TRIT1: variants seen among roughly 807,000 people sequenced by gnomAD.
TRIT1 encodes the protein tRNA isopentenyltransferase 1, also known as tRNA dimethylallyltransferase.
A neutral mutation model predicts 51.2 loss-of-function variants in TRIT1; 43 were observed. The ratio of observed to expected loss-of-function variants is 0.84; its 90% confidence interval spans 0.66 to 1.08. TRIT1 has a LOEUF of 1.08. Ranked by LOEUF, TRIT1 falls within the 50% of genes least tolerant of loss-of-function variation. TRIT1 has a pLI of 0.00. For synonymous variants in TRIT1, 184 were observed against 203.9 expected (o/e 0.90, Z 0.83); for missense variants, 528 against 578.4 (o/e 0.91, Z 0.89).
At chr1:39,845,607 C>G (rs1160898372) in intron 8 of TRIT1, among the ~76,000 whole-genome samples, 1 of 152,240 alleles carries the variant, frequency 6.6e-6, no homozygotes, top group Non-Finnish European at 1.5e-5. Flanking sequence ...CCACAGCACA[C>G]CTGGCCTTGG....
chr1:39,880,957 C>A (rs1373798987), intron 1 of TRIT1, among the ~76,000 whole-genome samples: 1 of 152,050 alleles, frequency 6.6e-6, no homozygotes, highest in South Asian at 2.1e-4. Context: ...GTGCCTCACA[C>A]CTGTAATCCT....
chr1:39,874,673 T>C (rs1643989739), intron 1 of TRIT1, among the ~76,000 whole-genome samples: 1 of 149,836 alleles, frequency 6.7e-6, no homozygotes, highest in East Asian at 1.9e-4. Flanking sequence ...TTTCTTTTCT[T>C]TTTTTTTTTG....
At chr1:39,844,473 C>A in intron 9 of TRIT1, 58 bp downstream of exon 9, 1 of 1,333,100 alleles carries the variant, frequency 7.5e-7, no homozygotes, top group South Asian at 1.2e-5. Flanking sequence ...ACAAAGGTGT[C>A]AGCTAATGAA....
intron 9 of TRIT1, 31 bp from the exon 10 acceptor site, chr1:39,844,249 A>C (rs773243947): frequency 4.0e-6 from 6 of 1,511,200 alleles, no homozygotes; most frequent in Admixed American, 3.4e-5. Context: ...GGGAGTATTC[A>C]ATTCAAAGAG....
At chr1:39,846,327 G>GTCTGT (rs1642221989) in intron 8 of TRIT1, among the ~76,000 whole-genome samples, 1 of 152,214 alleles carries the variant, frequency 6.6e-6, no homozygotes, top group Non-Finnish European at 1.5e-5. Flanking sequence ...ATTGAGAGCA[G>GTCTGT]AAGTCTACCA....
chr1:39,850,681 G>T (rs2124599518), intron 4 of TRIT1, among the ~76,000 whole-genome samples: 1 of 152,180 alleles, frequency 6.6e-6, no homozygotes, highest in South Asian at 2.1e-4. Flanking sequence ...CAGTTAAATA[G>T]GTTCAGAAAC....
rs533245299 is a variant in TRIT1, at chr1:39,859,027, C to T, written c.175-1610G>A. Among the ~76,000 whole-genome samples, 6 of 151,980 alleles carry T rather than the reference C, an allele frequency of 3.9e-5. No individual in the cohort carries two copies. In the South Asian group the frequency reaches 6.3e-4, roughly 16 times the overall value. ...CAGCACTTTGAAAGGCCAAGGCAGG[C>T]GGATCACGATGTCAGGAGTTCGAGA... On this transcript the variant is annotated intron_variant, in intron 1 of 10. Coordinates refer to ENST00000316891, the MANE Select transcript of TRIT1 (RefSeq NM_017646.6).
chr1:39,854,003 T>C lies in TRIT1; in HGVS notation c.381A>G (p.Glu127=). 1 of 1,613,522 alleles carries C rather than the reference T, an allele frequency of 6.2e-7. No individual in the cohort carries two copies. ...TGACAAGAACTTTCCAGAGCAGAGA[T>C]TCAATGTAATAATTGGTTCCTCCCA... The part of the protein sequence containing the change: ...IVVGGTNYYI[E]SLLWKVLVNT... The change falls in exon 3 of 11, where the codon GAA becomes GAG. Residue 127 remains glutamate, a synonymous_variant. Coordinates refer to ENST00000316891, the MANE Select transcript of TRIT1 (RefSeq NM_017646.6).
chr1:39,847,561 C>G lies in TRIT1; in HGVS notation c.915G>C (p.Gln305His). The G allele has an allele frequency of 6.2e-7, 1 of 1,614,190 alleles. No individual in the cohort carries two copies. Among genetic ancestry groups the G allele is most frequent in the African/African-American group, 1.3e-5 (1 of 75,062 alleles). The change falls in exon 7 of 11, where the codon CAG (glutamine) becomes CAC (histidine). Residue 305 changes from glutamine to histidine, a missense_variant. By Grantham distance (24) the Gln-to-His change is conservative. Coordinates refer to ENST00000316891, the MANE Select transcript of TRIT1 (RefSeq NM_017646.6). ...EGKCTLETSN[Q>H]LLKKGIEALK... ...AAGAATTCACACCTTTCTTTAGAAGCTGGTTACTAGTCTCCAGTGTGCATT... is the reference window on the plus strand; with the variant it reads ...AAGAATTCACACCTTTCTTTAGAAGGTGGTTACTAGTCTCCAGTGTGCATT...
chr1:39,856,488 A>G (rs933391098), intron 2 of TRIT1, among the ~76,000 whole-genome samples: 2 of 21,654 alleles, frequency 9.2e-5, no homozygotes, highest in African/African-American at 1.6e-4. Flanking sequence ...TCTCTAGGAG[A>G]AAAAAAAAAA....
At chr1:39,851,093 C>T (rs1337823360) in intron 4 of TRIT1, among the ~76,000 whole-genome samples, 1 of 152,114 alleles carries the variant, frequency 6.6e-6, no homozygotes, top group Non-Finnish European at 1.5e-5. Context: ...AATTCTACTT[C>T]CTGAAACCCT....
rs1642312307 is a variant in TRIT1, at chr1:39,847,650, G to C, written c.826C>G (p.Gln276Glu). 1 of 1,614,186 alleles carries C rather than the reference G, an allele frequency of 6.2e-7. No individual in the cohort carries two copies. Among genetic ancestry groups the C allele is most frequent in the Non-Finnish European group, 8.5e-7 (1 of 1,180,020 alleles). The change falls in exon 7 of 11, where the codon CAA becomes GAA. Residue 276 changes from glutamine (Q) to glutamate (E), a missense_variant. Coordinates refer to ENST00000316891, the MANE Select transcript of TRIT1 (RefSeq NM_017646.6). ...KNVSENSQDYQHGIFQSIGFK... is the reference protein window; with the variant it reads ...KNVSENSQDYEHGIFQSIGFK... ...CCAATTGATTGGAAGATACCATGTT[G>C]ATAGTCCTGGCTGGGAACAGGAGGG...
intron 1 of TRIT1, among the ~76,000 whole-genome samples, chr1:39,867,944 G>C (rs1301218362): frequency 6.6e-6 from 1 of 151,438 alleles, no homozygotes; most frequent in Non-Finnish European, 1.5e-5. Flanking sequence ...ACCCCTTCAA[G>C]ATTCTTTTTT....
At position 39,838,954 on chromosome 1, in the gene TRIT1, T is replaced by G. The variant is rs1315310418; in HGVS notation, c.*2790A>C. Among the ~76,000 whole-genome samples, 1 of 152,230 alleles carries G rather than the reference T, an allele frequency of 6.6e-6. No homozygotes were observed. Among genetic ancestry groups the G allele is most frequent in the Admixed American group, 6.5e-5 (1 of 15,284 alleles). On this transcript the variant is annotated 3_prime_UTR_variant, in exon 11 of 11. Transcript: ENST00000316891. ...GAATACAGATGAGCTGTTCTCTTGC[T>G]TAGCCCTAAGAATCAAGCAAAGTAT...
intron 1 of TRIT1, chr1:39,875,952 T>C (rs1360540355): frequency 6.6e-6 from 1 of 152,138 alleles, no homozygotes; most frequent in Non-Finnish European, 1.5e-5. Flanking sequence ...CTGACATATA[T>C]ATTATTCTTG....
chr1:39,868,828 G>T (rs1393807075), intron 1 of TRIT1, among the ~76,000 whole-genome samples: 1 of 152,186 alleles, frequency 6.6e-6, no homozygotes, highest in Non-Finnish European at 1.5e-5. Context: ...GGGAGGCCGA[G>T]GCGGGTGGAT....
chr1:39,841,564 T>A lies in TRIT1; in HGVS notation c.*180A>T. ...AGCCACACAAGGAGCTGACAAGACC[T>A]GCTGTTTCTATTATAGAGAACGTGA... is the stretch of plus-strand genomic sequence containing the variant. On this transcript the variant is annotated 3_prime_UTR_variant, in exon 11 of 11. Transcript: ENST00000316891. 1 of 546,310 alleles carries A rather than the reference T, an allele frequency of 1.8e-6. No homozygotes were observed. The highest frequency in any genetic ancestry group is 3.1e-6 in the Non-Finnish European group (1 of 323,994). 33.8% of individuals were successfully genotyped at this position (546,310 alleles called of 1,614,324 possible).
chr1:39,868,980 A>G (rs914713826), intron 1 of TRIT1, among the ~76,000 whole-genome samples: 17 of 152,180 alleles, frequency 1.1e-4, no homozygotes, highest in African/African-American at 4.1e-4. Context: ...GAATCGCTTG[A>G]ACCGATGAGG....
intron 1 of TRIT1, among the ~76,000 whole-genome samples, chr1:39,870,308 GCAGCATGCTCGTAAAGAGTCAT>G (rs1249344488): frequency 6.6e-6 from 1 of 151,978 alleles, no homozygotes; most frequent in East Asian, 1.9e-4. Flanking sequence ...ATGCTTGAAG[GCAGCATGCTCGTAAAGAGTCAT>G]CACCACTCCC....
Sources: allele counts gnomAD v4.1 joint callset (sites outside exome capture counted in the v4.1 genomes callset), GRCh38; gene constraint gnomAD v4.1.1; transcripts MANE v1.5; gene names NCBI Gene and HGNC (gene_info 2026-07-23, HGNC 2026-07-21).